The following OSBP variants were observed in gnomAD, a reference collection of about 807,000 sequenced individuals.
OSBP encodes the protein oxysterol binding protein.
A neutral mutation model predicts 96.6 loss-of-function variants in OSBP; 32 were observed. That is an observed-to-expected ratio of 0.33 (90% CI 0.25 to 0.45). OSBP has a LOEUF of 0.45. Ranked by LOEUF, OSBP falls within the 20% of genes least tolerant of loss-of-function variation. OSBP has a pLI of 1.00. For missense variants in OSBP, 653 were observed against 1,029.7 expected, an observed-to-expected ratio of 0.63 and a Z score of 5.01; for synonymous variants, 369 against 389.6, an observed-to-expected ratio of 0.95 and a Z score of 0.62.
At chr11:59,594,661 G>GAA in intron 7 of OSBP, among the ~76,000 whole-genome samples, 1 of 152,214 alleles carries the variant, frequency 6.6e-6, no homozygotes, top group Non-Finnish European at 1.5e-5. Flanking sequence ...GAGAATGAAA[G>GAA]AAACAGTAGT....
intron 9 of OSBP, among the ~76,000 whole-genome samples, chr11:59,583,634 GTTTTTTTTTTT>G (rs764596509): frequency 1.5e-3 from 99 of 64,324 alleles, no homozygotes; most frequent in African/African-American, 6.2e-3. Flanking sequence ...CTAAATCTCT[GTTTTTTTTTTT>G]TTTTTTTTTT....
At chr11:59,605,511 C>G (rs2134673480) in intron 3 of OSBP, among the ~76,000 whole-genome samples, 1 of 152,158 alleles carries the variant, frequency 6.6e-6, no homozygotes, top group South Asian at 2.1e-4. Context: ...CTCCTGGGTT[C>G]AAGTGATTCT....
intron 2 of OSBP, among the ~76,000 whole-genome samples, chr11:59,609,684 A>T (rs1860821317): frequency 6.6e-6 from 1 of 152,232 alleles, no homozygotes; most frequent in Admixed American, 6.5e-5. Context: ...GTTCTAGGTA[A>T]ACAAGCTCAG....
chr11:59,587,612 A>C (rs150119236), intron 9 of OSBP, among the ~76,000 whole-genome samples: 7 of 152,334 alleles, frequency 4.6e-5, no homozygotes, highest in Admixed American at 1.3e-4. Context: ...TTATTAGATA[A>C]ATGCATGTCA....
At chr11:59,609,390 T>C (rs1261225711) in intron 2 of OSBP, among the ~76,000 whole-genome samples, 1 of 152,026 alleles carries the variant, frequency 6.6e-6, no homozygotes, top group Non-Finnish European at 1.5e-5. Context: ...ACAGAAGCTA[T>C]GTTGTACCTC....
chr11:59,595,577 A>AG (rs1860639457), intron 7 of OSBP, among the ~76,000 whole-genome samples: 1 of 152,100 alleles, frequency 6.6e-6, no homozygotes, highest in African/African-American at 2.4e-5. Flanking sequence ...CAAGGAAAAA[A>AG]TTTTCTTGAA....
At chr11:59,582,570 C>G (rs1233079616) in intron 9 of OSBP, among the ~76,000 whole-genome samples, 1 of 152,178 alleles carries the variant, frequency 6.6e-6, no homozygotes, top group Non-Finnish European at 1.5e-5. Flanking sequence ...ATAAGTAGAG[C>G]ACTTTCCTGA....
At chr11:59,609,842 G>A (rs573585584) in intron 2 of OSBP, among the ~76,000 whole-genome samples, 1 of 152,174 alleles carries the variant, frequency 6.6e-6, no homozygotes, top group Non-Finnish European at 1.5e-5. Context: ...GTTTTTGGCA[G>A]TCTACTAAAA....
rs1198743173 is a variant in OSBP, at chr11:59,615,425, G to C, written c.240C>G (p.Gly80=). 6.6e-7 allele frequency: 1 copy of C among 1,507,046 alleles called. No individual in the cohort carries two copies. The highest frequency in any genetic ancestry group is 2.0e-5 in the Admixed American group (1 of 49,238). The allele number at this position is 1,507,046 out of a possible 1,614,324, so 93.4% of individuals were successfully genotyped here. A position where few individuals can be genotyped will look rare whatever the true frequency, so the allele number is the denominator to read the frequency against. ...AGCCCGAACCCCCAGCGCCCGAGCC[G>C]CCCGAGCCCCCAGTCGGCGGCGCAG... The part of the protein sequence containing the change: ...PAPAPPTGGS[G]GSGAGGSGSA... Residue 80 remains glycine (G), a synonymous_variant, in exon 1 of 14, where the codon GGC becomes GGG. Transcript: ENST00000263847.
intron 3 of OSBP, among the ~76,000 whole-genome samples, chr11:59,605,982 T>C (rs1167643603): frequency 1.3e-5 from 2 of 152,200 alleles, no homozygotes; most frequent in Non-Finnish European, 2.9e-5. Context: ...CTAGCTTGCC[T>C]TTCTTCATAG....
intron 1 of OSBP, among the ~76,000 whole-genome samples, chr11:59,611,516 G>A (rs752175727): frequency 6.6e-5 from 10 of 152,096 alleles, no homozygotes; most frequent in Non-Finnish European, 1.5e-4. Context: ...GAGTTATATC[G>A]CAGAAGTGTA....
chr11:59,577,392 T>A (rs1397645641), intron 12 of OSBP, among the ~76,000 whole-genome samples: 1 of 152,230 alleles, frequency 6.6e-6, no homozygotes, highest in Non-Finnish European at 1.5e-5. Context: ...ACAAACTGAC[T>A]GTATTAGATG....
intron 5 of OSBP, 29 bp downstream of exon 5, chr11:59,601,254 A>G: frequency 8.1e-7 from 1 of 1,241,538 alleles, no homozygotes. Context: ...AGATATGTTT[A>G]TTTGCTTCAA....
rs373321771 is a variant in OSBP at position 59,615,290 on chromosome 11, C to A, written c.362+13G>T. On this transcript the variant is annotated intron_variant, in intron 1 of 13. Transcript: ENST00000263847. Reference sequence around the variant, plus strand: ...GGAGGCAAGGTGAGCGACAGCGCCCCGGAAGCAGTTACCTGTAGTAGCTCA... The same window carrying A: ...GGAGGCAAGGTGAGCGACAGCGCCCAGGAAGCAGTTACCTGTAGTAGCTCA... 82 of 1,588,344 alleles carry A rather than the reference C, an allele frequency of 5.2e-5. No homozygotes were observed. Among genetic ancestry groups the A allele is most frequent in the Non-Finnish European group, 6.6e-5 (77 of 1,163,098 alleles).
intron 3 of OSBP, among the ~76,000 whole-genome samples, chr11:59,607,453 T>C (rs562710954): frequency 3.9e-5 from 6 of 152,212 alleles, no homozygotes; most frequent in African/African-American, 1.4e-4. Flanking sequence ...AAAATGATGT[T>C]AAAATAAAGG....
chr11:59,608,804 G>T, intron 2 of OSBP, 70 bp from the exon 3 acceptor site: 1 of 1,483,800 alleles, frequency 6.7e-7, no homozygotes, highest in Non-Finnish European at 9.3e-7. Flanking sequence ...TACCTACTCT[G>T]TCCAGAAACA....
At chr11:59,592,035 T>G (rs1286575181) in intron 9 of OSBP, among the ~76,000 whole-genome samples, 3 of 152,176 alleles carry the variant, frequency 2.0e-5, no homozygotes, top group Non-Finnish European at 4.4e-5. Flanking sequence ...CCTTTAGAGA[T>G]CCTCAAGGGG....
At chr11:59,586,796 A>C (rs981819935) in intron 9 of OSBP, among the ~76,000 whole-genome samples, 1 of 152,216 alleles carries the variant, frequency 6.6e-6, no homozygotes, top group African/African-American at 2.4e-5. Context: ...GGGACAGGAC[A>C]GTCTTTTGAA....
At position 59,609,387 on chromosome 11, in the gene OSBP, C is replaced by CT. The variant is rs1860818193; in HGVS notation, c.572-654dup. On this transcript the variant is annotated intron_variant, in intron 2 of 13. Transcript: ENST00000263847. Reference sequence around the variant, plus strand: ...TCCAATAATAAGTCAAGTACAGAAGCTATGTTGTACCTCTCACACTCAACA... The same window carrying CT: ...TCCAATAATAAGTCAAGTACAGAAGCTTATGTTGTACCTCTCACACTCAACA... 2.0e-5 allele frequency among the ~76,000 whole-genome samples: 3 copies of CT among 151,948 alleles called. No homozygotes were observed. The South Asian group carries it at 6.2e-4, about 32-fold the overall frequency.
Sources: gnomAD v4.1 joint callset for allele counts (sites outside exome capture counted in the v4.1 genomes callset) on GRCh38, gnomAD v4.1.1 for gene constraint, MANE v1.5 for transcripts, NCBI Gene and HGNC (gene_info 2026-07-23, HGNC 2026-07-21) for gene names.